The following ADK variants were observed in gnomAD, a reference collection of about 807,000 sequenced individuals.
The protein encoded by ADK is adenosine kinase.
Under a neutral mutation model 44.7 loss-of-function variants are expected in ADK, and 24 were observed. That is an observed-to-expected ratio of 0.54 (90% CI 0.39 to 0.76). ADK has a LOEUF of 0.76. Ranked by LOEUF, ADK falls within the 30% of genes least tolerant of loss-of-function variation. The pLI, the probability that ADK is intolerant of heterozygous loss-of-function variation, is 0.00. For missense variants in ADK, 321 were observed against 425.1 expected (o/e 0.76, Z 2.15); for synonymous variants, 128 against 142.6 (o/e 0.90, Z 0.73).
At chr10:74,176,489 C>CGGCCATTTTT (rs1310039714) in intron 1 of ADK, 59 of 1,162,024 alleles carry the variant, frequency 5.1e-5, no homozygotes, top group Non-Finnish European at 6.3e-5. Flanking sequence ...GCCAGAGGCG[C>CGGCCATTTTT]GGCCATTTTT....
At chr10:74,253,294 A>T (rs1354825849) in intron 3 of ADK, among the ~76,000 whole-genome samples, 1 of 152,358 alleles carries the variant, frequency 6.6e-6, no homozygotes, top group South Asian at 2.1e-4. Context: ...TTTTAATAAC[A>T]TGCAGATTAA....
intron 10 of ADK, among the ~76,000 whole-genome samples, chr10:74,699,412 T>C (rs1462840839): frequency 6.6e-6 from 1 of 152,140 alleles, no homozygotes; most frequent in East Asian, 1.9e-4. Context: ...GCATGGTGGC[T>C]CACACCTATA....
intron 3 of ADK, among the ~76,000 whole-genome samples, chr10:74,311,596 A>G (rs572647530): frequency 2.0e-5 from 3 of 152,358 alleles, no homozygotes; most frequent in African/African-American, 7.2e-5. Context: ...AAACACATAA[A>G]TCATTGGAGT....
At chr10:74,344,176 A>C (rs1451586271) in intron 4 of ADK, among the ~76,000 whole-genome samples, 1 of 152,204 alleles carries the variant, frequency 6.6e-6, no homozygotes, top group Non-Finnish European at 1.5e-5. Context: ...AGAGTATCAT[A>C]GTAATACTGG....
chr10:74,573,707 ATGGCG>A (rs1051575482), intron 7 of ADK, among the ~76,000 whole-genome samples: 6 of 152,182 alleles, frequency 3.9e-5, no homozygotes, highest in Non-Finnish European at 7.3e-5. Context: ...AGCCTCGGCA[ATGGCG>A]GGCGCCCCTC....
intron 4 of ADK, among the ~76,000 whole-genome samples, chr10:74,315,821 A>G (rs1840598307): frequency 6.6e-6 from 1 of 152,214 alleles, no homozygotes; most frequent in South Asian, 2.1e-4. Flanking sequence ...TTTTGTAAAA[A>G]TGAATCTTTA....
At chr10:74,208,046 T>G (rs952443999) in intron 2 of ADK, among the ~76,000 whole-genome samples, 1 of 152,238 alleles carries the variant, frequency 6.6e-6, no homozygotes, top group Non-Finnish European at 1.5e-5. Context: ...CCCGAGCACA[T>G]GCACACCTGC....
chr10:74,550,880 C>T (rs1055115380), intron 7 of ADK, among the ~76,000 whole-genome samples: 11 of 152,120 alleles, frequency 7.2e-5, no homozygotes, highest in Non-Finnish European at 1.5e-4. Context: ...GAGACAAGGT[C>T]TCGCTATGTT....
intron 6 of ADK, among the ~76,000 whole-genome samples, chr10:74,518,851 G>T (rs1848698938): frequency 6.6e-6 from 1 of 151,818 alleles, no homozygotes; most frequent in African/African-American, 2.4e-5. Flanking sequence ...TTTAATGTAG[G>T]TTATAATCAT....
Position 74,674,518 on chromosome 10 carries a change from C to A in ADK, c.964+4249C>A, listed in dbSNP as rs566542111. ...GTCATGGTAACATGCACTTGTAGTCCCAGCTACTCAGGAGGCTGAGGCCCT... is the reference window on the plus strand; with the variant it reads ...GTCATGGTAACATGCACTTGTAGTCACAGCTACTCAGGAGGCTGAGGCCCT... On this transcript the variant is annotated intron_variant, in intron 10 of 10. Coordinates refer to ENST00000539909, the MANE Select transcript of ADK (RefSeq NM_006721.4). 7.2e-5 allele frequency among the ~76,000 whole-genome samples: 11 copies of A among 152,076 alleles called. No individual in the cohort carries two copies. The South Asian group carries it at 2.3e-3, about 32-fold the overall frequency.
At chr10:74,658,254 A>G (rs1341166475) in intron 9 of ADK, among the ~76,000 whole-genome samples, 2 of 152,206 alleles carry the variant, frequency 1.3e-5, no homozygotes, top group Admixed American at 6.5e-5. Context: ...AGCAATCATC[A>G]GAAAAAAATA....
chr10:74,285,493 TTAAAC>T (rs1319838253), intron 3 of ADK, among the ~76,000 whole-genome samples: 1 of 152,180 alleles, frequency 6.6e-6, no homozygotes, highest in Non-Finnish European at 1.5e-5. Flanking sequence ...TATAAAGACA[TTAAAC>T]TAGGTTGTAT....
chr10:74,314,861 A>T lies in ADK; in HGVS notation c.273+116A>T, dbSNP rs955447789. ...CTGTAGAATAGTTTTGTTCATTTGAATTGGGATTTTAGTAGTCATTGCACA... is the reference window on the plus strand; with the variant it reads ...CTGTAGAATAGTTTTGTTCATTTGATTTGGGATTTTAGTAGTCATTGCACA... On this transcript the variant is annotated intron_variant, in intron 4 of 10. Coordinates refer to ENST00000539909, the MANE Select transcript of ADK (RefSeq NM_006721.4). 1.2e-5 allele frequency: 10 copies of T among 820,548 alleles called. No individual in the cohort carries two copies. The Admixed American group carries it at 1.9e-4, about 15-fold the overall frequency. 50.8% of individuals were successfully genotyped at this position (820,548 alleles called of 1,614,324 possible).
intron 4 of ADK, among the ~76,000 whole-genome samples, chr10:74,389,823 A>T (rs1351139093): frequency 6.6e-6 from 1 of 152,170 alleles, no homozygotes; most frequent in East Asian, 1.9e-4. Context: ...ATTTATTTGT[A>T]GTGGAAATAT....
chr10:74,690,158 C>T (rs1374278185), intron 10 of ADK, among the ~76,000 whole-genome samples: 2 of 152,156 alleles, frequency 1.3e-5, no homozygotes, highest in East Asian at 3.9e-4. Flanking sequence ...AATATGCCTC[C>T]CCTGTATCAG....
intron 10 of ADK, among the ~76,000 whole-genome samples, chr10:74,698,740 G>A (rs1182716563): frequency 1.3e-5 from 2 of 151,856 alleles, no homozygotes; most frequent in East Asian, 1.9e-4. Context: ...GAATTTTTTT[G>A]TAGGGACGGA....
At chr10:74,443,654 A>C (rs1282046582) in intron 6 of ADK, among the ~76,000 whole-genome samples, 1 of 152,170 alleles carries the variant, frequency 6.6e-6, no homozygotes, top group Non-Finnish European at 1.5e-5. Flanking sequence ...ATATACTAAA[A>C]ATCACGAATT....
At chr10:74,700,512 G>A (rs781769035) in intron 10 of ADK, among the ~76,000 whole-genome samples, 69 of 152,248 alleles carry the variant, frequency 4.5e-4, no homozygotes, top group Non-Finnish European at 8.7e-4. Flanking sequence ...CAAAGTGCTG[G>A]GATTACAGGC....
intron 7 of ADK, among the ~76,000 whole-genome samples, chr10:74,538,933 T>TA (rs931830825): frequency 6.6e-6 from 1 of 152,196 alleles, no homozygotes; most frequent in Non-Finnish European, 1.5e-5. Flanking sequence ...TCTTTTAAGA[T>TA]AAAAAATCTG....
Sources: allele counts gnomAD v4.1 joint callset (sites outside exome capture counted in the v4.1 genomes callset), GRCh38; gene constraint gnomAD v4.1.1; transcripts MANE v1.5; gene names NCBI Gene and HGNC (gene_info 2026-07-23, HGNC 2026-07-21).